RABGEF1: variants seen among roughly 807,000 people sequenced by gnomAD.
RABGEF1 encodes the protein RAB guanine nucleotide exchange factor 1.
RABGEF1 carries 26 observed loss-of-function variants against 57.3 expected under a neutral mutation model. The observed-to-expected ratio is 0.45, with a 90% confidence interval of 0.33 to 0.63. The LOEUF (loss-of-function observed/expected upper bound fraction) is 0.63, where lower values mean the gene tolerates loss of function less well. RABGEF1 is among the 20% of genes least tolerant of loss of function. The probability of loss-of-function intolerance (pLI) is 0.02; values close to 1 mark genes in which losing one functional copy is unlikely to be tolerated. For missense variants in RABGEF1, 464 were observed against 607.6 expected (o/e 0.76, Z 2.48); for synonymous variants, 185 against 210.7 (o/e 0.88, Z 1.06).
intron 1 of RABGEF1, among the ~76,000 whole-genome samples, chr7:66,708,292 A>AT (rs1417602086): frequency 1.3e-5 from 2 of 148,488 alleles, no homozygotes; most frequent in African/African-American, 5.0e-5. Context: ...TTTTTTCCTA[A>AT]TTTTTTCTTT....
chr7:66,762,863 AGACCTAAAC>A (rs1804779898), intron 1 of RABGEF1, among the ~76,000 whole-genome samples: 1 of 152,222 alleles, frequency 6.6e-6, no homozygotes, highest in African/African-American at 2.4e-5. Flanking sequence ...GTGAAAGCTT[AGACCTAAAC>A]GATGAGAAAC....
the RABGEF1 span, among the ~76,000 whole-genome samples, chr7:66,660,580 C>G: frequency 1.3e-5 from 2 of 150,906 alleles, no homozygotes; most frequent in Non-Finnish European, 1.5e-5. Flanking sequence ...CCAGCACTTT[C>G]GGAGTGCACT....
the RABGEF1 span, among the ~76,000 whole-genome samples, chr7:66,660,693 C>G: frequency 6.6e-6 from 1 of 152,182 alleles, no homozygotes; most frequent in Non-Finnish European, 1.5e-5. Context: ...TAATTAAAAT[C>G]CTTTCAACAA....
intron 2 of RABGEF1, among the ~76,000 whole-genome samples, chr7:66,719,693 T>C (rs1795789346): frequency 6.6e-6 from 1 of 152,180 alleles, no homozygotes; most frequent in African/African-American, 2.4e-5. Context: ...ACCTAACAAA[T>C]AGACCAGGAG....
At chr7:66,796,226 G>T (rs1814005008) in intron 5 of RABGEF1, among the ~76,000 whole-genome samples, 1 of 148,968 alleles carries the variant, frequency 6.7e-6, no homozygotes, top group Non-Finnish European at 1.5e-5. Context: ...GTGAGTTATT[G>T]TATTAATAGT....
At chr7:66,664,578 C>G in the RABGEF1 span, among the ~76,000 whole-genome samples, 1 of 151,916 alleles carries the variant, frequency 6.6e-6, no homozygotes. Context: ...CACTGCAGCC[C>G]GGGCAACAGA....
chr7:66,794,989 A>G (rs866160928), intron 4 of RABGEF1, among the ~76,000 whole-genome samples: 13 of 152,342 alleles, frequency 8.5e-5, no homozygotes, highest in Admixed American at 7.2e-4. Flanking sequence ...AAAAAGAATG[A>G]GATGGTCATG....
the RABGEF1 span, among the ~76,000 whole-genome samples, chr7:66,660,010 GA>G: frequency 1.6e-3 from 230 of 142,956 alleles, no homozygotes; most frequent in South Asian, 5.9e-3. Flanking sequence ...GATTGACTAA[GA>G]AAAAAAAAAA....
intron 1 of RABGEF1, among the ~76,000 whole-genome samples, chr7:66,685,951 G>A (rs1790559118): frequency 6.6e-6 from 1 of 152,106 alleles, no homozygotes; most frequent in Non-Finnish European, 1.5e-5. Context: ...GAATAGAAAT[G>A]GTACCAAGTG....
chr7:66,738,385 C>T (rs1177190879), upstream of RABGEF1, among the ~76,000 whole-genome samples: 1 of 152,104 alleles, frequency 6.6e-6, no homozygotes, highest in Non-Finnish European at 1.5e-5. Context: ...TACTGCTTTC[C>T]TCAGGCCTTT....
chr7:66,670,535 G>A, the RABGEF1 span, among the ~76,000 whole-genome samples: 1 of 145,874 alleles, frequency 6.9e-6, no homozygotes, highest in Non-Finnish European at 1.5e-5. Context: ...TTGCTTCAGT[G>A]ATAGATATTT....
chr7:66,667,802 AT>A, the RABGEF1 span, among the ~76,000 whole-genome samples: 3 of 151,864 alleles, frequency 2.0e-5, no homozygotes, highest in African/African-American at 7.3e-5. Flanking sequence ...TTATTTGTTT[AT>A]TTATTTATGT....
chr7:66,760,127 A>G (rs952297375), intron 1 of RABGEF1, among the ~76,000 whole-genome samples: 7 of 152,192 alleles, frequency 4.6e-5, no homozygotes, highest in African/African-American at 1.7e-4. Context: ...AATGTGCATC[A>G]TTTGAGCAAC....
chr7:66,747,141 A>G (rs184383193), intron 1 of RABGEF1, among the ~76,000 whole-genome samples: 20 of 152,322 alleles, frequency 1.3e-4, no homozygotes, highest in African/African-American at 4.3e-4. Flanking sequence ...TCTCTTGGCA[A>G]TGGTCATTAA....
At chr7:66,714,400 G>A (rs111857958) in intron 2 of RABGEF1, among the ~76,000 whole-genome samples, 136 of 152,156 alleles carry the variant, frequency 8.9e-4, no homozygotes, top group Non-Finnish European at 1.8e-3. Context: ...TGTAGAATTT[G>A]TAGTGATATC....
At chr7:66,674,053 A>G in the RABGEF1 span, among the ~76,000 whole-genome samples, 4 of 152,196 alleles carry the variant, frequency 2.6e-5, 1 homozygote, top group Non-Finnish European at 5.9e-5. Flanking sequence ...AGGATGGGGA[A>G]CACCTAGAAC....
At chr7:66,769,560 T>G (rs1335693733) in intron 1 of RABGEF1, among the ~76,000 whole-genome samples, 3 of 152,208 alleles carry the variant, frequency 2.0e-5, no homozygotes, top group Non-Finnish European at 4.4e-5. Context: ...GGGGAGGGCT[T>G]GAAATTTGAG....
chr7:66,660,086 G>A, the RABGEF1 span, among the ~76,000 whole-genome samples: 6 of 151,986 alleles, frequency 3.9e-5, no homozygotes, highest in African/African-American at 7.2e-5. Flanking sequence ...AGTGGCTCAC[G>A]CCTGTAATCC....
chr7:66,794,966 ACGTAGAT>A (rs1813661962), intron 4 of RABGEF1, among the ~76,000 whole-genome samples: 1 of 152,240 alleles, frequency 6.6e-6, no homozygotes, highest in South Asian at 2.1e-4. Context: ...ATTTAAGAAT[ACGTAGAT>A]TTAGCAAAAA....
Sources: gnomAD v4.1 joint callset for allele counts (sites outside exome capture counted in the v4.1 genomes callset) on GRCh38, gnomAD v4.1.1 for gene constraint, MANE v1.5 for transcripts, NCBI Gene and HGNC (gene_info 2026-07-23, HGNC 2026-07-21) for gene names.